The following EBF1 variants were observed in gnomAD, a reference collection of about 807,000 sequenced individuals.
EBF1 encodes the protein transcription factor COE1.
In EBF1, 10 loss-of-function variants were observed where a neutral mutation model predicts 68.4. The observed-to-expected ratio is 0.15, with a 90% confidence interval of 0.09 to 0.25. The LOEUF is 0.25. Ranked by LOEUF, EBF1 falls within the 10% of genes least tolerant of loss-of-function variation. The pLI, the probability that EBF1 is intolerant of heterozygous loss-of-function variation, is 1.00. For missense variants in EBF1, 509 were observed against 794.4 expected, an observed-to-expected ratio of 0.64 and a Z score of 4.32; for synonymous variants, 298 against 299.8, an observed-to-expected ratio of 0.99 and a Z score of 0.06.
chr5:158,824,152 A>C (rs959512560), intron 7 of EBF1, among the ~76,000 whole-genome samples: 5 of 152,234 alleles, frequency 3.3e-5, no homozygotes, highest in Non-Finnish European at 7.3e-5. Context: ...ATGTTTATTC[A>C]TGCGACCTCT....
intron 10 of EBF1, among the ~76,000 whole-genome samples, chr5:158,776,987 G>A (rs1775426124): frequency 1.3e-5 from 2 of 152,154 alleles, no homozygotes; most frequent in African/African-American, 2.4e-5. Context: ...CACCAACCCA[G>A]AATTAAATAT....
intron 6 of EBF1, among the ~76,000 whole-genome samples, chr5:158,925,272 T>C (rs1202346162): frequency 2.6e-5 from 4 of 152,252 alleles, no homozygotes; most frequent in Admixed American, 1.3e-4. Context: ...TTTATCTTAT[T>C]GTCTAGCTCC....
chr5:158,989,936 G>A (rs1351519893), intron 6 of EBF1, among the ~76,000 whole-genome samples: 1 of 152,076 alleles, frequency 6.6e-6, no homozygotes, highest in Non-Finnish European at 1.5e-5. Context: ...TTGGCAGGGG[G>A]AATAAAACAT....
chr5:158,976,008 C>G (rs1756670444), intron 6 of EBF1, among the ~76,000 whole-genome samples: 1 of 152,166 alleles, frequency 6.6e-6, no homozygotes, highest in African/African-American at 2.4e-5. Flanking sequence ...TAACCTGCCT[C>G]CCAGAGCCTG....
intron 10 of EBF1, among the ~76,000 whole-genome samples, chr5:158,760,003 G>T (rs1771053391): frequency 6.6e-6 from 1 of 151,952 alleles, no homozygotes; most frequent in African/African-American, 2.4e-5. Context: ...AGTCTGAAAA[G>T]AACCTAGAAT....
intron 6 of EBF1, among the ~76,000 whole-genome samples, chr5:159,051,098 T>C (rs1177918475): frequency 6.6e-6 from 1 of 152,144 alleles, no homozygotes; most frequent in Non-Finnish European, 1.5e-5. Context: ...CTTAAAGGGA[T>C]AGGAGAAGTC....
intron 2 of EBF1, 191 bp from the exon 3 acceptor site, chr5:159,096,597 T>G: frequency 1.5e-6 from 1 of 655,060 alleles, no homozygotes; most frequent in Non-Finnish European, 2.6e-6. Flanking sequence ...GCTCCCTCTC[T>G]CCCAAAAGAA....
At chr5:158,851,452 A>G (rs1582552244) in intron 6 of EBF1, among the ~76,000 whole-genome samples, 2 of 96,870 alleles carry the variant, frequency 2.1e-5, no homozygotes, top group South Asian at 9.5e-4. Flanking sequence ...AGGGAAGGAG[A>G]GGGAAGGGGA....
At chr5:158,726,712 A>G (rs1763062603) in intron 11 of EBF1, among the ~76,000 whole-genome samples, 3 of 152,220 alleles carry the variant, frequency 2.0e-5, no homozygotes, top group African/African-American at 4.8e-5. Flanking sequence ...GAGAATCTAC[A>G]TAAGGATGGG....
chr5:159,043,458 G>A (rs963471495), intron 6 of EBF1, among the ~76,000 whole-genome samples: 5 of 152,130 alleles, frequency 3.3e-5, no homozygotes, highest in African/African-American at 1.2e-4. Flanking sequence ...CCACTAGACT[G>A]TAAAGTCTAT....
intron 6 of EBF1, among the ~76,000 whole-genome samples, chr5:159,069,408 C>T (rs1777423899): frequency 6.6e-6 from 1 of 152,070 alleles, no homozygotes; most frequent in Non-Finnish European, 1.5e-5. Context: ...TAGCCAGAAA[C>T]TTCAGGAGTC....
intron 9 of EBF1, among the ~76,000 whole-genome samples, chr5:158,778,880 C>T (rs1443277716): frequency 6.6e-6 from 1 of 152,112 alleles, no homozygotes; most frequent in East Asian, 1.9e-4. Flanking sequence ...AACTATTTAT[C>T]CCTGTACTAA....
chr5:158,871,001 C>T (rs1195681994), intron 6 of EBF1, among the ~76,000 whole-genome samples: 1 of 152,160 alleles, frequency 6.6e-6, no homozygotes, highest in Non-Finnish European at 1.5e-5. Context: ...GGACCAAAGC[C>T]TGAAAATTCA....
intron 6 of EBF1, among the ~76,000 whole-genome samples, chr5:158,906,657 G>C (rs915254261): frequency 1.3e-5 from 2 of 152,186 alleles, no homozygotes; most frequent in African/African-American, 4.8e-5. Flanking sequence ...TTTTACACAT[G>C]ATGATAATGG....
In EBF1 at chr5:158,719,848, C is replaced by T. The variant is rs1761558669; in HGVS notation, c.1126-5666G>A. 1.3e-5 allele frequency among the ~76,000 whole-genome samples: 2 copies of T among 152,032 alleles called. 1 individual carries two copies. Among genetic ancestry groups the T allele is most frequent in the Admixed American group, 1.3e-4 (2 of 15,260 alleles). On this transcript the variant is annotated intron_variant, in intron 11 of 15. Coordinates refer to ENST00000313708, the MANE Select transcript of EBF1 (RefSeq NM_024007.5). ...AAGCCCAGGGATGCTTCAGTAATTT[C>T]AGAGGATAATCTGTGCTTGGCTTTA... is the stretch of plus-strand genomic sequence containing the variant.
chr5:158,872,433 G>A (rs545448221), intron 6 of EBF1, among the ~76,000 whole-genome samples: 5 of 152,120 alleles, frequency 3.3e-5, no homozygotes, highest in African/African-American at 1.2e-4. Flanking sequence ...CTGACCCCGC[G>A]AACTGATCCA....
intron 6 of EBF1, among the ~76,000 whole-genome samples, chr5:158,939,836 A>ACCCACAGAGCCCAGGAT (rs1357122273): frequency 6.6e-6 from 1 of 152,094 alleles, no homozygotes; most frequent in Non-Finnish European, 1.5e-5. Flanking sequence ...TCCTTCTTGG[A>ACCCACAGAGCCCAGGAT]CCCACAGAGC....
At chr5:158,799,763 C>T (rs145168016) in intron 8 of EBF1, among the ~76,000 whole-genome samples, 3 of 152,142 alleles carry the variant, frequency 2.0e-5, no homozygotes, top group Non-Finnish European at 4.4e-5. Context: ...TCAGCTTCAG[C>T]CTTTGGTGAC....
intron 6 of EBF1, among the ~76,000 whole-genome samples, chr5:158,881,622 A>G (rs1582850643): frequency 1.3e-5 from 2 of 152,176 alleles, no homozygotes; most frequent in African/African-American, 4.8e-5. Flanking sequence ...TCCCAGCTCT[A>G]TGGGAAGTCA....
Sources: allele counts gnomAD v4.1 joint callset (sites outside exome capture counted in the v4.1 genomes callset), GRCh38; gene constraint gnomAD v4.1.1; transcripts MANE v1.5; gene names NCBI Gene and HGNC (gene_info 2026-07-23, HGNC 2026-07-21).